The following MYO18A variants were observed in gnomAD, a reference collection of about 807,000 sequenced individuals.
MYO18A encodes unconventional myosin-XVIIIa.
In MYO18A, 78 loss-of-function variants were observed where a neutral mutation model predicts 235.8. The ratio of observed to expected loss-of-function variants is 0.33; its 90% confidence interval spans 0.28 to 0.40. MYO18A has a LOEUF of 0.40. Ranked by LOEUF, MYO18A falls within the 10% of genes least tolerant of loss-of-function variation. The pLI is 1.00. For synonymous variants in MYO18A, 977 were observed against 1,077.8 expected, an observed-to-expected ratio of 0.91 and a Z score of 1.83; for missense variants, 2,215 against 2,699.3, an observed-to-expected ratio of 0.82 and a Z score of 3.98.
chr17:29,116,075 C>A (rs537149660), intron 11 of MYO18A, among the ~76,000 whole-genome samples: 41 of 152,332 alleles, frequency 2.7e-4, no homozygotes, highest in African/African-American at 9.1e-4. Flanking sequence ...ATGCTGCCAC[C>A]GGAGGGCAAC....
In MYO18A at chr17:29,073,152, G is replaced by T. The variant is rs2065905806; in HGVS notation, c.*1618C>A. 1 of 141,998 alleles carries T rather than the reference G, an allele frequency of 7.0e-6. No individual in the cohort carries two copies. The highest frequency in any genetic ancestry group is 7.0e-5 in the Admixed American group (1 of 14,280). 8.8% of individuals were successfully genotyped at this position (141,998 alleles called of 1,614,324 possible). On this transcript the variant is annotated 3_prime_UTR_variant, in exon 42 of 42. Transcript: ENST00000527372. ...GAAGGAGGAAGAGAAGAGAAGAGAA[G>T]AGAATCTCTGTAATTGGTGAGATTT... is the stretch of plus-strand genomic sequence containing the variant.
At chr17:29,148,580 TTTTG>T (rs1050462729) in intron 2 of MYO18A, among the ~76,000 whole-genome samples, 14 of 113,932 alleles carry the variant, frequency 1.2e-4, no homozygotes, top group African/African-American at 3.8e-4. Flanking sequence ...TCCTTTATTC[TTTTG>T]TGTGTGTGTG....
At position 29,115,808 on chromosome 17, in the gene MYO18A, C is replaced by A; in HGVS notation, c.2083G>T (p.Ala695Ser). 1 of 1,589,974 alleles carries A rather than the reference C, an allele frequency of 6.3e-7. No individual in the cohort carries two copies. The highest frequency in any genetic ancestry group is 1.3e-5 in the African/African-American group (1 of 74,564). ...GRKQFARHEW[A>S]QKAAYLLGCS... is the part of the protein sequence containing the mutation. ...CCCAGTAGGTACGCAGCCTTCTGGG[C>A]CCACTCATGGCGGGCAAACTGCTTG... Residue 695 changes from alanine (A) to serine (S), a missense_variant, in exon 12 of 42, where the codon GCC becomes TCC. Ala to Ser is a moderately conservative substitution (Grantham distance 99, BLOSUM62 1). Transcript: ENST00000527372.
At chr17:29,119,862 C>T (rs2067156362) in intron 7 of MYO18A, among the ~76,000 whole-genome samples, 1 of 151,960 alleles carries the variant, frequency 6.6e-6, no homozygotes, top group Non-Finnish European at 1.5e-5. Context: ...CCGCACCCAA[C>T]CTGCATCTTG....
At position 29,106,881 on chromosome 17, in the gene MYO18A, T is replaced by A. The variant is rs953542303; in HGVS notation, c.3441+199A>T. Reference sequence around the variant, plus strand: ...TCACCAGCAAGCAGACACCCCCAGCTCAGGCCTCCAAGGAGGGGGTGGCTC... The same window carrying A: ...TCACCAGCAAGCAGACACCCCCAGCACAGGCCTCCAAGGAGGGGGTGGCTC... On this transcript the variant is annotated intron_variant, in intron 20 of 41. Transcript: ENST00000527372. This position sits in a 1 kb window ranked among gnomAD's most constrained non-coding sequence, Gnocchi z 4.6. 2.0e-5 allele frequency among the ~76,000 whole-genome samples: 3 copies of A among 152,100 alleles called. No individual in the cohort carries two copies. Among genetic ancestry groups the A allele is most frequent in the African/African-American group, 7.2e-5 (3 of 41,406 alleles).
At chr17:29,130,472 TCCCA>T (rs1328993094) in intron 2 of MYO18A, among the ~76,000 whole-genome samples, 22 of 76,784 alleles carry the variant, frequency 2.9e-4, no homozygotes, top group Admixed American at 5.2e-4. Context: ...CTGAGGCCTC[TCCCA>T]CACACACACA....
At chr17:29,114,845 C>A (rs2067017793) in intron 14 of MYO18A, 62 bp downstream of exon 14, 13 of 1,519,714 alleles carry the variant, frequency 8.6e-6, no homozygotes, top group African/African-American at 4.1e-5. Flanking sequence ...TCCACAGATG[C>A]CCTCGCTGTG....
chr17:29,074,623 A>T lies in MYO18A; in HGVS notation c.*147T>A. On this transcript the variant is annotated 3_prime_UTR_variant, in exon 42 of 42. Transcript: ENST00000527372. The surrounding 1 kb of genome is among the most constrained non-coding windows in gnomAD (Gnocchi z 4.4). ...GAGACATCAGACACCCATAGCCTGG[A>T]AAGTGCCCCTGACAGAAGAAGGTCA... 1.2e-6 allele frequency: 1 copy of T among 829,132 alleles called. No homozygotes were observed. Among genetic ancestry groups the T allele is most frequent in the South Asian group, 1.7e-5 (1 of 59,516 alleles). 51.4% of individuals were successfully genotyped at this position (829,132 alleles called of 1,614,324 possible). A position where few individuals can be genotyped will look rare whatever the true frequency, so the allele number is the denominator to read the frequency against.
At position 29,096,825 on chromosome 17, in the gene MYO18A, C is replaced by T; in HGVS notation, c.4321G>A (p.Asp1441Asn). 1 of 1,601,872 alleles carries T rather than the reference C, an allele frequency of 6.2e-7. No individual in the cohort carries two copies. The highest frequency in any genetic ancestry group is 8.5e-7 in the Non-Finnish European group (1 of 1,174,636). Reference protein sequence around the residue: ...KCQRLTAELQDTKLHLEGQQV... With the variant: ...KCQRLTAELQNTKLHLEGQQV... ...TGGCCCTCCAGGTGCAGCTTGGTGTCTTGCAGCTCAGCCGTCAGTCGCTGG... is the reference window on the plus strand; with the variant it reads ...TGGCCCTCCAGGTGCAGCTTGGTGTTTTGCAGCTCAGCCGTCAGTCGCTGG... Residue 1441 changes from aspartate to asparagine, a missense_variant, in exon 28 of 42, where the codon GAC (aspartate) becomes AAC (asparagine). Transcript: ENST00000527372.
At chr17:29,089,242 C>A (rs2066334241) in intron 37 of MYO18A, among the ~76,000 whole-genome samples, 1 of 150,660 alleles carries the variant, frequency 6.6e-6, no homozygotes. Flanking sequence ...ACCATCCTGG[C>A]CAACATGGTG....
intron 41 of MYO18A, chr17:29,080,131 C>T (rs561129827): frequency 3.0e-6 from 3 of 985,984 alleles, no homozygotes; most frequent in South Asian, 4.7e-5. Context: ...GCGGCGGATG[C>T]TGGCAGCTCG....
At chr17:29,119,725 G>A (rs932407544) in intron 7 of MYO18A, among the ~76,000 whole-genome samples, 7 of 151,870 alleles carry the variant, frequency 4.6e-5, no homozygotes, top group South Asian at 2.1e-4. Context: ...CACCATACCC[G>A]GCTGATTTTT....
rs1474430978 is a variant in MYO18A at position 29,117,328 on chromosome 17, C to T, written c.2038+717G>A. On this transcript the variant is annotated intron_variant, in intron 10 of 41. Coordinates refer to ENST00000527372, the MANE Select transcript of MYO18A (RefSeq NM_078471.4). This position sits in a 1 kb window ranked among gnomAD's most constrained non-coding sequence, Gnocchi z 4.6. The stretch of plus-strand genomic sequence containing the variant: ...ACGGTGCCTGCTGCCCCCTAGTGGC[C>T]GCCACCCTGACATGCAAGAGGAAGA... Among the ~76,000 whole-genome samples the T allele has an allele frequency of 1.3e-5, 2 of 152,128 alleles. No homozygotes were observed. The highest frequency in any genetic ancestry group is 2.4e-5 in the African/African-American group (1 of 41,432).
chr17:29,178,265 C>T (rs544055211), intron 1 of MYO18A, among the ~76,000 whole-genome samples: 1 of 152,162 alleles, frequency 6.6e-6, no homozygotes, highest in African/African-American at 2.4e-5. Context: ...CAGGCACACA[C>T]TCTGGCACCT....
Position 29,074,959 on chromosome 17 carries a change from C to A in MYO18A, c.6021-45G>T, listed in dbSNP as rs1260303159. 6.2e-7 allele frequency: 1 copy of A among 1,607,114 alleles called. No individual in the cohort carries two copies. Among genetic ancestry groups the A allele is most frequent in the Non-Finnish European group, 8.5e-7 (1 of 1,174,616 alleles). On this transcript the variant is annotated intron_variant, in intron 41 of 41. Transcript: ENST00000527372. This position sits in a 1 kb window ranked among gnomAD's most constrained non-coding sequence, Gnocchi z 4.4. ...AGGTTAGGGACAAATGACACTCCTACCATTAAGCACGCACGCCTTTGGTTC... is the reference window on the plus strand; with the variant it reads ...AGGTTAGGGACAAATGACACTCCTAACATTAAGCACGCACGCCTTTGGTTC...
chr17:29,086,657 T>C, intron 38 of MYO18A, 80 bp from the exon 39 acceptor site: 4 of 1,524,620 alleles, frequency 2.6e-6, no homozygotes, highest in Non-Finnish European at 3.5e-6. Context: ...CTTCAAGTAC[T>C]TTCCGGTCAT....
intron 28 of MYO18A, among the ~76,000 whole-genome samples, chr17:29,095,693 T>C (rs2066503518): frequency 6.6e-6 from 1 of 152,382 alleles, no homozygotes; most frequent in South Asian, 2.1e-4. Flanking sequence ...CCACTAAATA[T>C]GGAGCAAATT....
At chr17:29,107,235 C>T (rs374190380) in intron 19 of MYO18A, 46 bp from the exon 20 acceptor site, 1 of 1,550,274 alleles carries the variant, frequency 6.5e-7, no homozygotes, top group Non-Finnish European at 8.9e-7. Context: ...CCACCTGCTC[C>T]CAGCACACCC....
Position 29,087,246 on chromosome 17 carries a change from A to G in MYO18A, c.5527-125T>C, listed in dbSNP as rs372736478. ...GCTCTGGCTCCACCGTTCATTGGCT[A>G]CCTGGGCAAGCAACCCCGAAGCTTC... On this transcript the variant is annotated intron_variant, in intron 37 of 41. Coordinates refer to ENST00000527372, the MANE Select transcript of MYO18A (RefSeq NM_078471.4). 1.2e-5 allele frequency: 12 copies of G among 998,880 alleles called. No homozygotes were observed. The Middle Eastern group carries it at 7.1e-4, about 59-fold the overall frequency. The allele number at this position is 998,880 out of a possible 1,614,324, so 61.9% of individuals were successfully genotyped here.
Sources: allele counts gnomAD v4.1 joint callset (sites outside exome capture counted in the v4.1 genomes callset), GRCh38; gene constraint gnomAD v4.1.1; non-coding constraint Gnocchi (gnomAD v3.1); transcripts MANE v1.5; gene names NCBI Gene and HGNC (gene_info 2026-07-23, HGNC 2026-07-21).